Variants in CEP164 observed in about 807,000 individuals in gnomAD.
CEP164 encodes centrosomal protein 164.
Under a neutral mutation model 182.7 loss-of-function variants are expected in CEP164, and 162 were observed. The observed-to-expected ratio is 0.89, with a 90% confidence interval of 0.78 to 1.01. The LOEUF is 1.01. Among genes scored for constraint, CEP164 ranks in the 50% least tolerant of loss-of-function variants. CEP164 has a pLI of 0.00. For synonymous variants in CEP164, 661 were observed against 690.0 expected, an observed-to-expected ratio of 0.96 and a Z score of 0.66; for missense variants, 1,735 against 1,790.4, an observed-to-expected ratio of 0.97 and a Z score of 0.56.
Position 117,412,399 on chromosome 11 carries a change from G to A in CEP164, c.*231G>A. Reference sequence around the variant, plus strand: ...TCGTACGAGCTCTTGTCATTGACATGGCAAGCTGATGGCGTGCGGTGGCTG... The same window carrying A: ...TCGTACGAGCTCTTGTCATTGACATAGCAAGCTGATGGCGTGCGGTGGCTG... On this transcript the variant is annotated 3_prime_UTR_variant, in exon 33 of 33. Transcript: ENST00000278935. 2.4e-6 allele frequency: 1 copy of A among 412,654 alleles called. No homozygotes were observed. Among genetic ancestry groups the A allele is most frequent in the East Asian group, 4.4e-5 (1 of 22,484 alleles). 25.6% of individuals were successfully genotyped at this position (412,654 alleles called of 1,614,324 possible). A position where few individuals can be genotyped will look rare whatever the true frequency, so the allele number is the denominator to read the frequency against.
intron 8 of CEP164, among the ~76,000 whole-genome samples, chr11:117,365,345 G>A (rs552599730): frequency 2.0e-5 from 3 of 152,288 alleles, no homozygotes; most frequent in Non-Finnish European, 2.9e-5. Flanking sequence ...GAGCCACCTC[G>A]GGACAGAGAG....
At position 117,375,752 on chromosome 11, in the gene CEP164, T is replaced by C; in HGVS notation, c.1278T>C (p.Val426=). ...GGATCTCGGAGCACCTGCTGGATGT[T>C]GATGTGCTTTCCCCAGTCCTGGGTG... ...RSRISEHLLD[V]DVLSPVLGGA... is the part of the protein sequence containing the mutation. The change falls in exon 11 of 33, where the codon GTT becomes GTC. Residue 426 remains valine (V), a synonymous_variant. Coordinates refer to ENST00000278935, the MANE Select transcript of CEP164 (RefSeq NM_014956.5). 1 of 1,614,062 alleles carries C rather than the reference T, an allele frequency of 6.2e-7. No individual in the cohort carries two copies. The highest frequency in any genetic ancestry group is 8.5e-7 in the Non-Finnish European group (1 of 1,180,002).
At chr11:117,337,445 G>T (rs776398353) in intron 2 of CEP164, among the ~76,000 whole-genome samples, 2 of 149,354 alleles carry the variant, frequency 1.3e-5, no homozygotes, top group Non-Finnish European at 3.0e-5. Flanking sequence ...AGGCTGAGGC[G>T]GGAGCATTGC....
intron 27 of CEP164, among the ~76,000 whole-genome samples, chr11:117,406,391 C>T (rs556573177): frequency 9.2e-5 from 14 of 152,270 alleles, no homozygotes; most frequent in African/African-American, 3.4e-4. Flanking sequence ...GATTATTTCC[C>T]TTCAGGTCCC....
At chr11:117,330,711 G>T (rs1196825548) in intron 1 of CEP164, among the ~76,000 whole-genome samples, 2 of 152,182 alleles carry the variant, frequency 1.3e-5, no homozygotes, top group Non-Finnish European at 2.9e-5. Flanking sequence ...TATATTGCCT[G>T]GTGCTGGATA....
intron 12 of CEP164, among the ~76,000 whole-genome samples, 191 bp downstream of exon 12, chr11:117,380,896 C>T (rs534888553): frequency 6.6e-6 from 1 of 152,292 alleles, no homozygotes; most frequent in African/African-American, 2.4e-5. Flanking sequence ...CGTGTGTGTA[C>T]TGGCAATGTG....
rs2045116359 is a variant in CEP164 at position 117,394,292 on chromosome 11, T to G, written c.2617-58T>G. The G allele has an allele frequency of 6.4e-7, 1 of 1,552,076 alleles. No homozygotes were observed. The highest frequency in any genetic ancestry group is 1.4e-5 in the African/African-American group (1 of 73,384). ...GGCTGCAGGGCTAGGGGAGCTGTGA[T>G]TTTTGTGGTAGAAGGGGCTGCCGCA... On this transcript the variant is annotated intron_variant, in intron 20 of 32. Transcript: ENST00000278935. This position sits in a 1 kb window ranked among gnomAD's most constrained non-coding sequence, Gnocchi z 4.0.
intron 11 of CEP164, among the ~76,000 whole-genome samples, chr11:117,376,360 G>T (rs2042743811): frequency 6.6e-6 from 1 of 152,216 alleles, no homozygotes; most frequent in African/African-American, 2.4e-5. Context: ...TGTCTCCCCT[G>T]CCAGATGTTA....
chr11:117,386,534 G>A (rs756787863), intron 14 of CEP164: 1 of 152,258 alleles, frequency 6.6e-6, no homozygotes. Context: ...AGACGAAAAC[G>A]TGCCCCCATG....
At chr11:117,358,646 C>A (rs574990083) in intron 5 of CEP164, among the ~76,000 whole-genome samples, 87 of 150,450 alleles carry the variant, frequency 5.8e-4, no homozygotes, top group African/African-American at 2.1e-3. Context: ...TGGGCTTAAG[C>A]AATCCTCCCG....
At position 117,394,769 on chromosome 11, in the gene CEP164, C is replaced by G. The variant is rs1200721881; in HGVS notation, c.2761-151C>G. On this transcript the variant is annotated intron_variant, in intron 21 of 32. Coordinates refer to ENST00000278935, the MANE Select transcript of CEP164 (RefSeq NM_014956.5). This position sits in a 1 kb window ranked among gnomAD's most constrained non-coding sequence, Gnocchi z 4.0. ...AGCAGGAAGTAAACAAGGTGTGGAG[C>G]CTTCCTGGGAGGCTGCAGGGGCACA... The G allele has an allele frequency of 1.9e-5, 17 of 914,650 alleles. No homozygotes were observed. Among genetic ancestry groups the G allele is most frequent in the Admixed American group, 4.4e-5 (2 of 45,960 alleles). The allele number at this position is 914,650 out of a possible 1,614,324, so 56.7% of individuals were successfully genotyped here.
At position 117,408,033 on chromosome 11, in the gene CEP164, G is replaced by T. The variant is rs1313027554; in HGVS notation, c.3609+1G>T. 5.7e-6 allele frequency: 9 copies of T among 1,577,144 alleles called. No individual in the cohort carries two copies. The highest frequency in any genetic ancestry group is 7.8e-6 in the Non-Finnish European group (9 of 1,159,880). On this transcript the variant is annotated splice_donor_variant, in intron 28 of 32. Coordinates refer to ENST00000278935, the MANE Select transcript of CEP164 (RefSeq NM_014956.5). LOFTEE classifies it high-confidence loss of function. ...GTTGGAGTCCTCTCTTTGGGAAGAG[G>T]TGCAGCCCCATGTCCACATAGTCCA...
At chr11:117,322,618 C>T (rs528003247) in intron 1 of CEP164, among the ~76,000 whole-genome samples, 5 of 151,440 alleles carry the variant, frequency 3.3e-5, no homozygotes, top group Admixed American at 2.0e-4. Context: ...GTGCATGGCA[C>T]GATCTTGGCT....
chr11:117,363,486 G>A lies in CEP164; in HGVS notation c.745G>A (p.Gly249Arg), dbSNP rs373565225. 12 of 1,613,766 alleles carry A rather than the reference G, an allele frequency of 7.4e-6. No individual in the cohort carries two copies. The highest frequency in any genetic ancestry group is 1.0e-5 in the Non-Finnish European group (12 of 1,179,780). ...CCTACACCTGGACATTGGGGCACTG[G>A]GGGGTGACTTTGAGTATGAGGTAAG... The part of the protein sequence containing the change: ...RNLHLDIGAL[G>R]GDFEYEESLR... The change falls in exon 8 of 33, where the codon GGG (glycine) becomes AGG (arginine). Residue 249 changes from glycine (G) to arginine (R), a missense_variant. Coordinates refer to ENST00000278935, the MANE Select transcript of CEP164 (RefSeq NM_014956.5).
intron 27 of CEP164, among the ~76,000 whole-genome samples, chr11:117,405,144 C>T (rs907679840): frequency 4.6e-5 from 7 of 152,106 alleles, no homozygotes; most frequent in East Asian, 1.9e-4. Context: ...GCTTCAGCCC[C>T]GTTTCCAGAG....
intron 8 of CEP164, among the ~76,000 whole-genome samples, chr11:117,367,303 G>A (rs1011519598): frequency 6.6e-6 from 1 of 152,212 alleles, no homozygotes; most frequent in African/African-American, 2.4e-5. Flanking sequence ...CACCCTTGAG[G>A]TGCTGTCCTG....
intron 1 of CEP164, among the ~76,000 whole-genome samples, chr11:117,333,786 T>G (rs771622093): frequency 8.5e-5 from 13 of 152,122 alleles, no homozygotes; most frequent in Non-Finnish European, 1.2e-4. Flanking sequence ...TCCTCCTGCT[T>G]TGGCCTCCCA....
At chr11:117,349,895 C>T (rs984031136) in intron 4 of CEP164, among the ~76,000 whole-genome samples, 1 of 152,068 alleles carries the variant, frequency 6.6e-6, no homozygotes, top group Non-Finnish European at 1.5e-5. Context: ...CTGCCTTAGC[C>T]TCCTGAGTAG....
chr11:117,356,723 C>T (rs540852208), intron 5 of CEP164: 3 of 1,097,434 alleles, frequency 2.7e-6, no homozygotes, highest in East Asian at 1.5e-4. Context: ...CTGTTACCCA[C>T]CCTACCGTGG....
Sources: gnomAD v4.1 joint callset for allele counts (sites outside exome capture counted in the v4.1 genomes callset) on GRCh38, gnomAD v4.1.1 for gene constraint, Gnocchi (gnomAD v3.1) non-coding constraint, MANE v1.5 for transcripts, NCBI Gene and HGNC (gene_info 2026-07-23, HGNC 2026-07-21) for gene names.